The following EMSY variants were observed in gnomAD, a reference collection of about 807,000 sequenced individuals.
The protein encoded by EMSY is EMSY transcriptional repressor, BRCA2 interacting.
Under a neutral mutation model 134.6 loss-of-function variants are expected in EMSY, and 26 were observed. The ratio of observed to expected loss-of-function variants is 0.19; its 90% CI spans 0.14 to 0.27. The LOEUF (loss-of-function observed/expected upper bound fraction) is 0.27, where lower values mean the gene tolerates loss of function less well. Ranked by LOEUF, EMSY falls within the 10% of genes least tolerant of loss-of-function variation. The pLI is 1.00. For missense variants in EMSY, 1,305 were observed against 1,611.4 expected (o/e 0.81, Z 3.26); for synonymous variants, 579 against 577.8 (o/e 1.00, Z -0.03).
intron 8 of EMSY, among the ~76,000 whole-genome samples, chr11:76,489,408 C>T (rs774687959): frequency 2.7e-5 from 4 of 149,710 alleles, no homozygotes; most frequent in Non-Finnish European, 4.4e-5. Flanking sequence ...GTACATTTCT[C>T]CCTTTAATTC....
chr11:76,517,308 C>T (rs753302199), intron 11 of EMSY, among the ~76,000 whole-genome samples: 48 of 152,172 alleles, frequency 3.2e-4, no homozygotes, highest in Middle Eastern at 3.4e-3. Context: ...TGAGAAAATC[C>T]GATGTTTGCC....
At chr11:76,460,059 C>T in exon 6 of EMSY, 3 of 1,614,142 alleles carry the variant, frequency 1.9e-6, no homozygotes, top group Non-Finnish European at 2.5e-6. Context: ...GTTGTCTTGC[C>T]AAGTGGAAGT....
exon 21 of EMSY, chr11:76,550,216 G>C: frequency 7.6e-7 from 1 of 1,314,904 alleles, no homozygotes. Flanking sequence ...CTTGTATTTT[G>C]ATGACTAAAA....
At chr11:76,548,663 A>T (rs768150528) in intron 20 of EMSY, among the ~76,000 whole-genome samples, 4 of 152,186 alleles carry the variant, frequency 2.6e-5, no homozygotes, top group Admixed American at 6.6e-5. Context: ...AGGCCTCTTG[A>T]CCTTGTCTAA....
intron 8 of EMSY, among the ~76,000 whole-genome samples, chr11:76,484,563 G>A (rs1360675931): frequency 1.3e-5 from 2 of 150,674 alleles, no homozygotes; most frequent in Non-Finnish European, 2.9e-5. Context: ...AAATGATAAA[G>A]AGAATATTAC....
At chr11:76,502,530 TA>T (rs199726574) in intron 9 of EMSY, among the ~76,000 whole-genome samples, 6 of 143,018 alleles carry the variant, frequency 4.2e-5, no homozygotes, top group Non-Finnish European at 9.2e-5. Context: ...TTTATATTAT[TA>T]AAAAAAAACA....
intron 6 of EMSY, chr11:76,460,498 T>G (rs1033170623): frequency 1.3e-5 from 2 of 153,524 alleles, no homozygotes; most frequent in Admixed American, 6.5e-5. Flanking sequence ...TTATATTCAG[T>G]GAAACATTCT....
At chr11:76,445,467 C>T (rs1302885971) in intron 1 of EMSY, among the ~76,000 whole-genome samples, 1 of 152,026 alleles carries the variant, frequency 6.6e-6, no homozygotes, top group Non-Finnish European at 1.5e-5. Context: ...CCCAGAGGGG[C>T]TTGGGTCGTG....
chr11:76,524,557 G>A (rs905375119), intron 12 of EMSY, among the ~76,000 whole-genome samples: 3 of 152,174 alleles, frequency 2.0e-5, no homozygotes, highest in African/African-American at 7.2e-5. Flanking sequence ...AGAACCCTTT[G>A]TAATATGGTT....
At chr11:76,501,880 A>G (rs1848317227) in intron 9 of EMSY, among the ~76,000 whole-genome samples, 1 of 152,280 alleles carries the variant, frequency 6.6e-6, no homozygotes, top group African/African-American at 2.4e-5. Flanking sequence ...AAACAGACAC[A>G]TCTCAGTAAA....
chr11:76,492,893 AC>A (rs1949479111), intron 8 of EMSY, among the ~76,000 whole-genome samples: 2 of 152,026 alleles, frequency 1.3e-5, no homozygotes, highest in South Asian at 4.2e-4. Flanking sequence ...GCCTGTGGCC[AC>A]CCATGAACCA....
exon 8 of EMSY, chr11:76,472,643 C>T: frequency 6.2e-7 from 1 of 1,614,188 alleles, no homozygotes; most frequent in Non-Finnish European, 8.5e-7. Context: ...GCAGCAGTCA[C>T]TAAGCTTGTA....
chr11:76,531,738 T>G (rs1343450817), intron 14 of EMSY, among the ~76,000 whole-genome samples: 1 of 152,200 alleles, frequency 6.6e-6, no homozygotes, highest in East Asian at 1.9e-4. Flanking sequence ...TTAGCATCCA[T>G]AGATGATTTT....
In EMSY at chr11:76,496,387, T is replaced by C. The variant is rs375127434; in HGVS notation, c.1281T>C (p.Ser427=). 39 of 1,614,136 alleles carry C rather than the reference T, an allele frequency of 2.4e-5. No homozygotes were observed. In the African/African-American group the frequency reaches 4.5e-4, roughly 19 times the overall value. ...CACAGCAACAAGTGGCCCAGCCTTC[T>C]CCAGTATCTCATCAGCAACAGCCTC... is the stretch of plus-strand genomic sequence containing the variant. The change falls in exon 9 of 21, where the codon TCT becomes TCC. Residue 427 remains serine, a synonymous_variant. Coordinates refer to ENST00000334736, the Ensembl canonical transcript of EMSY.
intron 9 of EMSY, among the ~76,000 whole-genome samples, chr11:76,501,160 G>A (rs1296971020): frequency 6.6e-6 from 1 of 151,870 alleles, no homozygotes; most frequent in Non-Finnish European, 1.5e-5. Context: ...TATTTTTGTT[G>A]TCTTTTTCCT....
intron 9 of EMSY, among the ~76,000 whole-genome samples, chr11:76,499,505 T>C (rs1219478608): frequency 6.6e-6 from 1 of 151,422 alleles, no homozygotes; most frequent in Admixed American, 6.6e-5. Context: ...TCCAGGATGG[T>C]CTCAATCTCC....
chr11:76,474,716 A>G (rs780802184), intron 8 of EMSY, among the ~76,000 whole-genome samples: 18 of 152,222 alleles, frequency 1.2e-4, no homozygotes, highest in Non-Finnish European at 2.1e-4. Flanking sequence ...AAAAATTCCA[A>G]CATTTCTATT....
At chr11:76,533,567 A>T (rs1180504663) in intron 14 of EMSY, among the ~76,000 whole-genome samples, 1 of 152,146 alleles carries the variant, frequency 6.6e-6, no homozygotes, top group Non-Finnish European at 1.5e-5. Context: ...AAACTTTAAG[A>T]TCCCTTCTAA....
At position 76,483,448 on chromosome 11, in the gene EMSY, C is replaced by T. The variant is rs986277667; in HGVS notation, c.1108+10608C>T. Reference sequence around the variant, plus strand: ...CAGGCTAAATGCCCCAATTAAAAAACACAGACTAGTAAATTGGATAGAGAG... The same window carrying T: ...CAGGCTAAATGCCCCAATTAAAAAATACAGACTAGTAAATTGGATAGAGAG... On this transcript the variant is annotated intron_variant, in intron 8 of 20. Coordinates refer to ENST00000334736, the Ensembl canonical transcript of EMSY. 3.3e-5 allele frequency among the ~76,000 whole-genome samples: 5 copies of T among 152,162 alleles called. No homozygotes were observed. The South Asian group carries it at 6.2e-4, about 19-fold the overall frequency.
Sources: allele counts gnomAD v4.1 joint callset (sites outside exome capture counted in the v4.1 genomes callset), GRCh38; gene constraint gnomAD v4.1.1; transcripts MANE v1.5; gene names NCBI Gene and HGNC (gene_info 2026-07-23, HGNC 2026-07-21).